UTP14A: variants seen among roughly 807,000 people sequenced by gnomAD.
UTP14A encodes U3 small nucleolar RNA-associated protein 14 homolog A.
A neutral mutation model predicts 57.2 loss-of-function variants in UTP14A; 5 were observed. That is an observed-to-expected ratio of 0.09 (90% confidence interval 0.05 to 0.18). UTP14A has a LOEUF of 0.18. UTP14A is among the 10% of genes least tolerant of loss of function. The probability of loss-of-function intolerance (pLI) is 1.00; values close to 1 mark genes in which losing one functional copy is unlikely to be tolerated. For synonymous variants in UTP14A, 169 were observed against 210.9 expected (o/e 0.80, Z 1.72); for missense variants, 430 against 562.1 (o/e 0.76, Z 2.38).
chrX:129,917,979 T>C (rs899069818), intron 6 of UTP14A, among the ~76,000 whole-genome samples: 3 of 112,680 alleles, frequency 2.7e-5, no homozygotes, highest in African/African-American at 6.4e-5. Context: ...AGAACACTTA[T>C]ATGCATGGTT....
chrX:129,926,148 C>T (rs1230242906), intron 13 of UTP14A, 36 bp downstream of exon 13: 38 of 1,206,476 alleles, frequency 3.1e-5, no homozygotes, highest in Non-Finnish European at 3.9e-5. Context: ...AAAAGGGCAC[C>T]GGGTTCTCCC....
chrX:129,920,547 A>G lies in UTP14A; in HGVS notation c.843A>G (p.Glu281=), dbSNP rs1480104089. 8.3e-7 allele frequency: 1 copy of G among 1,210,836 alleles called. No individual in the cohort carries two copies. The highest frequency in any genetic ancestry group is 1.1e-6 in the Non-Finnish European group (1 of 895,488). Residue 281 remains glutamate, a synonymous_variant, in exon 9 of 15, where the codon GAA becomes GAG. Transcript: ENST00000394422. The part of the protein sequence containing the change: ...LRKVNPAAAL[E]ELEKIEKARM... ...AGGTTAATCCAGCTGCAGCACTAGAAGAACTGGAAAAAATTGAAAAGGCCA... is the reference window on the plus strand; with the variant it reads ...AGGTTAATCCAGCTGCAGCACTAGAGGAACTGGAAAAAATTGAAAAGGCCA...
In UTP14A at chrX:129,908,084, C is replaced by T. The variant is rs1422030325; in HGVS notation, c.127C>T (p.His43Tyr). The change falls in exon 3 of 15, where the codon CAT becomes TAT. Residue 43 changes from histidine (H) to tyrosine (Y), a missense_variant. Around this residue, in one of 4 missense-constraint regions of UTP14A, gnomAD observed 145 missense variants for 153.5 expected, o/e 0.94. Transcript: ENST00000394422. ...DEGDNDGERK[H>Y]QKLLEAISSL... ...GGGGGACAATGATGGAGAGAGAAAGCATCAAAAGCTTCTGGAAGCAATCAG... is the reference window on the plus strand; with the variant it reads ...GGGGGACAATGATGGAGAGAGAAAGTATCAAAAGCTTCTGGAAGCAATCAG... The T allele has an allele frequency of 8.3e-7, 1 of 1,208,441 alleles. No homozygotes were observed.
At chrX:129,912,414 G>A (rs781384977) in intron 6 of UTP14A, among the ~76,000 whole-genome samples, 1 of 109,529 alleles carries the variant, frequency 9.1e-6, no homozygotes, top group African/African-American at 3.3e-5. Context: ...GAGCCAATGC[G>A]CCCGGTCTCT....
chrX:129,920,650 A>G (rs764191636), intron 9 of UTP14A, 25 bp from the exon 10 acceptor site: 44 of 1,205,366 alleles, frequency 3.7e-5, no homozygotes, highest in Non-Finnish European at 4.9e-5. Context: ...AAAGATGTAA[A>G]TCTCACTCTG....
At position 129,911,016 on chromosome X, in the gene UTP14A, G is replaced by C; in HGVS notation, c.247G>C (p.Glu83Gln). 1 of 1,211,044 alleles carries C rather than the reference G, an allele frequency of 8.3e-7. No homozygotes were observed. The highest frequency in any genetic ancestry group is 1.1e-6 in the Non-Finnish European group (1 of 895,273). ...GTTTGACCTTTCCACAGGATCAGGA[G>C]AAAAGCTGGTCCTTGCAGATCTGCT... ...EFNVSSEGSG[E>Q]KLVLADLLEP... Residue 83 changes from glutamate (E) to glutamine (Q), a missense_variant, in exon 5 of 15, where the codon GAA (glutamate) becomes CAA (glutamine). Coordinates refer to ENST00000394422, the MANE Select transcript of UTP14A (RefSeq NM_006649.4).
chrX:129,915,670 T>C (rs1182526476), intron 6 of UTP14A, among the ~76,000 whole-genome samples: 1 of 111,276 alleles, frequency 9.0e-6, no homozygotes, highest in Non-Finnish European at 1.9e-5. Flanking sequence ...TCTTGTTATC[T>C]GATGAGAAAT....
At chrX:129,908,474 TA>T (rs1252828035) in intron 3 of UTP14A, 195 bp from the exon 4 acceptor site, 10 of 466,002 alleles carry the variant, frequency 2.1e-5, no homozygotes, top group Non-Finnish European at 3.7e-5. Context: ...TACCTTGTAA[TA>T]AAGAGAAGAG....
At chrX:129,912,884 A>C (rs965269743) in intron 6 of UTP14A, among the ~76,000 whole-genome samples, 1 of 111,839 alleles carries the variant, frequency 8.9e-6, no homozygotes, top group Non-Finnish European at 1.9e-5. Flanking sequence ...ATTCTATTTT[A>C]ATGGTGTTGA....
At chrX:129,913,145 AC>A (rs2124195544) in intron 6 of UTP14A, among the ~76,000 whole-genome samples, 1 of 111,826 alleles carries the variant, frequency 8.9e-6, no homozygotes, top group South Asian at 3.7e-4. Context: ...CTTTCCAAAA[AC>A]CCAAGAATGG....
At chrX:129,918,512 G>A (rs974659330) in intron 6 of UTP14A, among the ~76,000 whole-genome samples, 1 of 111,107 alleles carries the variant, frequency 9.0e-6, no homozygotes, top group African/African-American at 3.3e-5. Context: ...TGCTTCAAAT[G>A]ATACATAACA....
chrX:129,907,060 A>T (rs775612983), intron 1 of UTP14A, among the ~76,000 whole-genome samples: 1 of 109,801 alleles, frequency 9.1e-6, no homozygotes. Context: ...CTGAAAAGTG[A>T]TAGCTCTTTT....
chrX:129,914,001 TA>T (rs1203214573), intron 6 of UTP14A, among the ~76,000 whole-genome samples: 1 of 110,302 alleles, frequency 9.1e-6, no homozygotes, highest in Non-Finnish European at 1.9e-5. Flanking sequence ...TATAAATAAA[TA>T]AAAAATAAAA....
chrX:129,922,986 G>A (rs1201249291), intron 11 of UTP14A: 1 of 111,436 alleles, frequency 9.0e-6, no homozygotes, highest in Non-Finnish European at 1.9e-5. Flanking sequence ...TAAATGTGCA[G>A]AGCGGCTGAC....
At chrX:129,920,844 C>A in intron 10 of UTP14A, 92 bp downstream of exon 10, 1 of 1,190,399 alleles carries the variant, frequency 8.4e-7, no homozygotes, top group Admixed American at 2.4e-5. Context: ...GATGGAAAAC[C>A]AGGAATCTAA....
At chrX:129,924,183 G>T (rs1295667652) in intron 11 of UTP14A, among the ~76,000 whole-genome samples, 2 of 110,550 alleles carry the variant, frequency 1.8e-5, no homozygotes, top group Non-Finnish European at 3.8e-5. Context: ...TGTTGTTCAG[G>T]CTGGTCTCGA....
At chrX:129,927,167 G>A (rs1391894229) in intron 14 of UTP14A, among the ~76,000 whole-genome samples, 1 of 110,877 alleles carries the variant, frequency 9.0e-6, no homozygotes, top group Non-Finnish European at 1.9e-5. Flanking sequence ...CCTTCCAGGG[G>A]TCTGTTTGTT....
In UTP14A at chrX:129,925,093, T is replaced by C. The variant is rs1283994856; in HGVS notation, c.1647T>C (p.Pro549=). Residue 549 remains proline, a synonymous_variant, in exon 12 of 15, where the codon CCT becomes CCC. Transcript: ENST00000394422. ...CCCCAAATAATCGCCCTGATGCCCC[T>C]AAGGAGAAGAAAAAGAAGGAGCAAA... The part of the protein sequence containing the change: ...ERTPNNRPDA[P]KEKKKKEQMI... The C allele has an allele frequency of 1.4e-5, 17 of 1,211,337 alleles. No individual in the cohort carries two copies. Among genetic ancestry groups the C allele is most frequent in the Non-Finnish European group, 1.9e-5 (17 of 895,480 alleles).
At chrX:129,924,412 G>A (rs1434914439) in intron 11 of UTP14A, among the ~76,000 whole-genome samples, 5 of 107,541 alleles carry the variant, frequency 4.6e-5, no homozygotes, top group African/African-American at 1.0e-4. Flanking sequence ...TCAGCCTCCT[G>A]AGTAGCTGGA....
Sources: gnomAD v4.1 joint callset for allele counts (sites outside exome capture counted in the v4.1 genomes callset) on GRCh38, gnomAD v4.1.1 for gene constraint, gnomAD v4.1.1 regional missense constraint, MANE v1.5 for transcripts, NCBI Gene and HGNC (gene_info 2026-07-23, HGNC 2026-07-21) for gene names.